LSAMP: variants seen among roughly 807,000 people sequenced by gnomAD.
LSAMP encodes the protein limbic system associated membrane protein, also known as limbic system-associated membrane protein.
A neutral mutation model predicts 38.6 loss-of-function variants in LSAMP; 7 were observed. The observed-to-expected ratio is 0.18, with a 90% CI of 0.10 to 0.34. The LOEUF is 0.34. Ranked by LOEUF, LSAMP falls within the 10% of genes least tolerant of loss-of-function variation. The pLI is 1.00. For missense variants in LSAMP, 313 were observed against 420.0 expected (o/e 0.75, Z 2.23); for synonymous variants, 154 against 166.8 (o/e 0.92, Z 0.59).
intron 1 of LSAMP, among the ~76,000 whole-genome samples, chr3:116,332,534 A>G (rs184775384): frequency 6.6e-6 from 1 of 152,292 alleles, no homozygotes; most frequent in Non-Finnish European, 1.5e-5. Flanking sequence ...TCTTTAGAGA[A>G]AAATGAACTA....
chr3:115,920,478 A>G (rs1576219680), intron 3 of LSAMP, among the ~76,000 whole-genome samples: 1 of 152,298 alleles, frequency 6.6e-6, no homozygotes, highest in Middle Eastern at 3.4e-3. Context: ...AACATCTTAC[A>G]TATACCTGTT....
At chr3:116,133,121 G>C (rs910917080) in intron 1 of LSAMP, among the ~76,000 whole-genome samples, 5 of 152,142 alleles carry the variant, frequency 3.3e-5, no homozygotes, top group Non-Finnish European at 7.4e-5. Flanking sequence ...ATTAGCACTT[G>C]CCTTCTTGTT....
chr3:116,261,732 G>A (rs964537081), intron 1 of LSAMP, among the ~76,000 whole-genome samples: 1 of 151,886 alleles, frequency 6.6e-6, no homozygotes, highest in African/African-American at 2.4e-5. Flanking sequence ...GCTGATCTTG[G>A]AAATCTTTCC....
intron 2 of LSAMP, among the ~76,000 whole-genome samples, chr3:116,040,394 G>A (rs896098221): frequency 2.0e-5 from 3 of 152,158 alleles, no homozygotes; most frequent in Non-Finnish European, 2.9e-5. Context: ...AAGGAGAAAT[G>A]ACTGCTATCT....
intron 3 of LSAMP, among the ~76,000 whole-genome samples, chr3:115,900,197 A>T (rs961821757): frequency 3.9e-5 from 6 of 152,128 alleles, no homozygotes; most frequent in Admixed American, 3.9e-4. Context: ...GGCAGGACAA[A>T]ACTAAGAGCT....
At chr3:116,214,787 G>A (rs2046201256) in intron 1 of LSAMP, among the ~76,000 whole-genome samples, 1 of 152,128 alleles carries the variant, frequency 6.6e-6, no homozygotes, top group Non-Finnish European at 1.5e-5. Context: ...ACAGGTGTGA[G>A]TCACCACACC....
chr3:116,415,485 CA>C (rs762517076), intron 1 of LSAMP, among the ~76,000 whole-genome samples: 80 of 152,056 alleles, frequency 5.3e-4, no homozygotes, highest in Non-Finnish European at 8.1e-4. Flanking sequence ...ACAAGAAATA[CA>C]TTCCTTGATG....
At chr3:116,420,786 A>G (rs2049111655) in intron 1 of LSAMP, among the ~76,000 whole-genome samples, 1 of 152,038 alleles carries the variant, frequency 6.6e-6, no homozygotes, top group South Asian at 2.1e-4. Flanking sequence ...CTGAGGCAAG[A>G]AAATCACTTG....
chr3:116,242,561 T>C (rs2046551178), intron 1 of LSAMP, among the ~76,000 whole-genome samples: 1 of 152,172 alleles, frequency 6.6e-6, no homozygotes, highest in Non-Finnish European at 1.5e-5. Flanking sequence ...GCTTTCCCAC[T>C]ATTCCGCCTT....
intron 2 of LSAMP, among the ~76,000 whole-genome samples, chr3:116,065,189 C>T (rs930219851): frequency 6.6e-6 from 1 of 152,112 alleles, no homozygotes; most frequent in African/African-American, 2.4e-5. Flanking sequence ...AAGGGTTCTA[C>T]GAATAGCTGT....
At chr3:116,360,134 G>C (rs1171266218) in intron 1 of LSAMP, 1 of 146,560 alleles carries the variant, frequency 6.8e-6, no homozygotes, top group African/African-American at 2.6e-5. Flanking sequence ...GACAGTGGGC[G>C]CAGGCCAGTG....
intron 1 of LSAMP, among the ~76,000 whole-genome samples, chr3:116,087,932 C>T (rs1275839674): frequency 6.8e-6 from 1 of 147,064 alleles, no homozygotes; most frequent in African/African-American, 2.5e-5. Context: ...CTTGTTCGGT[C>T]ACCAAGACTG....
intron 1 of LSAMP, among the ~76,000 whole-genome samples, chr3:116,094,992 T>C (rs1708195049): frequency 6.6e-6 from 1 of 152,150 alleles, no homozygotes; most frequent in African/African-American, 2.4e-5. Flanking sequence ...TAAAGGATAG[T>C]AGATAAAAAG....
At chr3:116,058,938 G>GTTT (rs71906076) in intron 2 of LSAMP, among the ~76,000 whole-genome samples, 1 of 147,984 alleles carries the variant, frequency 6.8e-6, no homozygotes. Flanking sequence ...TTGTTTGTTC[G>GTTT]TTTTTTTTTT....
intron 1 of LSAMP, among the ~76,000 whole-genome samples, chr3:116,382,968 C>A (rs1188460443): frequency 3.3e-5 from 5 of 152,100 alleles, no homozygotes; most frequent in Non-Finnish European, 7.4e-5. Flanking sequence ...ATTGTTCTGT[C>A]CATAAATGTT....
At chr3:116,407,110 C>T (rs2048907278) in intron 1 of LSAMP, among the ~76,000 whole-genome samples, 2 of 151,818 alleles carry the variant, frequency 1.3e-5, no homozygotes, top group Admixed American at 6.6e-5. Context: ...AAAAAATAGC[C>T]AAGCATATCT....
At chr3:116,325,953 A>T (rs1319255896) in intron 1 of LSAMP, among the ~76,000 whole-genome samples, 2 of 152,158 alleles carry the variant, frequency 1.3e-5, no homozygotes, top group African/African-American at 2.4e-5. Flanking sequence ...AGACATTCAT[A>T]ATTTTTTTCC....
chr3:116,443,490 G>A (rs956301929), intron 1 of LSAMP, among the ~76,000 whole-genome samples: 22 of 151,932 alleles, frequency 1.4e-4, no homozygotes, highest in African/African-American at 4.4e-4. Flanking sequence ...TGCAATGCAC[G>A]GCACACAACA....
chr3:116,145,170 T>C (rs541719110), intron 1 of LSAMP, among the ~76,000 whole-genome samples: 1 of 152,098 alleles, frequency 6.6e-6, no homozygotes, highest in Admixed American at 6.6e-5. Flanking sequence ...TCTTAAGACC[T>C]TCTTGTTCTT....
Sources: allele counts gnomAD v4.1 joint callset (sites outside exome capture counted in the v4.1 genomes callset), GRCh38; gene constraint gnomAD v4.1.1; transcripts MANE v1.5; gene names NCBI Gene and HGNC (gene_info 2026-07-23, HGNC 2026-07-21).